DSCAML1: variants seen among roughly 807,000 people sequenced by gnomAD.
DSCAML1 encodes cell adhesion molecule DSCAML1.
DSCAML1 carries 38 observed loss-of-function variants against 200.5 expected under a neutral mutation model. That is an observed-to-expected ratio of 0.19 (90% CI 0.15 to 0.25). The LOEUF (loss-of-function observed/expected upper bound fraction) is 0.25, where lower values mean the gene tolerates loss of function less well. Among genes scored for constraint, DSCAML1 ranks in the 10% least tolerant of loss-of-function variants. DSCAML1 has a pLI of 1.00. For missense variants in DSCAML1, 2,223 were observed against 2,858.8 expected (o/e 0.78, Z 5.07); for synonymous variants, 1,215 against 1,165.0 (o/e 1.04, Z -0.87).
At chr11:117,740,703 A>C (rs2054405568) in intron 3 of DSCAML1, among the ~76,000 whole-genome samples, 1 of 152,254 alleles carries the variant, frequency 6.6e-6, no homozygotes, top group South Asian at 2.1e-4. Flanking sequence ...AGAAGGGACA[A>C]GCCTCGTCTT....
intron 3 of DSCAML1, among the ~76,000 whole-genome samples, chr11:117,690,359 C>T (rs938752004): frequency 6.6e-6 from 1 of 152,196 alleles, no homozygotes; most frequent in African/African-American, 2.4e-5. Context: ...AGCTTAAAGC[C>T]CCAAAACAGC....
At chr11:117,708,490 T>A (rs2053790446) in intron 3 of DSCAML1, among the ~76,000 whole-genome samples, 1 of 152,152 alleles carries the variant, frequency 6.6e-6, no homozygotes, top group East Asian at 1.9e-4. Context: ...TCCTGTAAAG[T>A]GGAAATAACA....
At chr11:117,454,897 C>T (rs527684944) in intron 19 of DSCAML1, among the ~76,000 whole-genome samples, 1 of 152,296 alleles carries the variant, frequency 6.6e-6, no homozygotes, top group South Asian at 2.1e-4. Context: ...GGTCTCACCT[C>T]TAAGTGAGGG....
chr11:117,513,287 G>T (rs1006538763), intron 8 of DSCAML1, among the ~76,000 whole-genome samples: 4 of 152,052 alleles, frequency 2.6e-5, no homozygotes, highest in African/African-American at 9.7e-5. Context: ...GTACGGCAAG[G>T]CCCCTGGGCT....
chr11:117,794,225 G>A (rs542149323), intron 1 of DSCAML1, among the ~76,000 whole-genome samples: 7 of 152,238 alleles, frequency 4.6e-5, no homozygotes, highest in Middle Eastern at 3.4e-3. Flanking sequence ...TTTTAGTGCC[G>A]GGGAAGCTTG....
chr11:117,777,574 A>G (rs1289504345), intron 2 of DSCAML1, among the ~76,000 whole-genome samples: 1 of 152,224 alleles, frequency 6.6e-6, no homozygotes, highest in Non-Finnish European at 1.5e-5. Context: ...CTGAGCACAC[A>G]GAATCCTAGA....
At chr11:117,726,808 A>G (rs1023486011) in intron 3 of DSCAML1, among the ~76,000 whole-genome samples, 1 of 152,010 alleles carries the variant, frequency 6.6e-6, no homozygotes, top group African/African-American at 2.4e-5. Context: ...TGATCGCGGG[A>G]GAATGAGCTT....
At position 117,675,185 on chromosome 11, in the gene DSCAML1, G is replaced by A. The variant is rs529920811; in HGVS notation, c.511+101606C>T. On this transcript the variant is annotated intron_variant, in intron 3 of 32. Coordinates refer to ENST00000651296, the MANE Select transcript of DSCAML1 (RefSeq NM_020693.4). The stretch of plus-strand genomic sequence containing the variant: ...AGAACTTAGAACACTGTGTGTTAGC[G>A]TTTATAATTCTACTCAGGGATAGTC... Among the ~76,000 whole-genome samples, 14 of 152,334 alleles carry A rather than the reference G, an allele frequency of 9.2e-5. No individual in the cohort carries two copies. In the East Asian group the frequency reaches 1.5e-3, roughly 17 times the overall value.
intron 20 of DSCAML1, among the ~76,000 whole-genome samples, chr11:117,449,888 CA>C (rs2048252050): frequency 6.6e-6 from 1 of 152,180 alleles, no homozygotes; most frequent in African/African-American, 2.4e-5. Flanking sequence ...CCACTGCACC[CA>C]TCCCCATCCT....
At chr11:117,665,213 G>A (rs1175768844) in intron 3 of DSCAML1, among the ~76,000 whole-genome samples, 1 of 152,114 alleles carries the variant, frequency 6.6e-6, no homozygotes, top group Non-Finnish European at 1.5e-5. Flanking sequence ...CCACACAATC[G>A]GCCCCTTGAA....
rs376476309 is a variant in DSCAML1 at position 117,796,246 on chromosome 11, C to T, written c.46+788G>A. ...ACCTGGACCCACCCCTAGCAACCCC[C>T]TCTCTCCGGGAAGAGGGACACGCCC... On this transcript the variant is annotated intron_variant, in intron 1 of 32. Transcript: ENST00000651296. Among the ~76,000 whole-genome samples the T allele has an allele frequency of 4.6e-5, 7 of 152,244 alleles. No individual in the cohort carries two copies. In the East Asian group the frequency reaches 1.3e-3, roughly 29 times the overall value.
At chr11:117,581,020 T>C (rs2051028438) in intron 3 of DSCAML1, among the ~76,000 whole-genome samples, 1 of 152,140 alleles carries the variant, frequency 6.6e-6, no homozygotes, top group Admixed American at 6.5e-5. Context: ...TATGCAAAAA[T>C]GACTTGGTGA....
At chr11:117,499,266 C>T (rs1355241718) in intron 11 of DSCAML1, among the ~76,000 whole-genome samples, 1 of 152,072 alleles carries the variant, frequency 6.6e-6, no homozygotes, top group East Asian at 1.9e-4. Context: ...GTGGTATTTT[C>T]TTCTGTTAAC....
chr11:117,628,755 C>T (rs945671387), intron 3 of DSCAML1, among the ~76,000 whole-genome samples: 4 of 152,180 alleles, frequency 2.6e-5, no homozygotes, highest in Non-Finnish European at 4.4e-5. Context: ...GACTTATATC[C>T]TCCTACACTC....
At chr11:117,556,660 C>T (rs942288001) in intron 3 of DSCAML1, among the ~76,000 whole-genome samples, 2 of 152,124 alleles carry the variant, frequency 1.3e-5, no homozygotes, top group African/African-American at 4.8e-5. Context: ...AGTGGGGACT[C>T]GGTCTGATGG....
intron 1 of DSCAML1, among the ~76,000 whole-genome samples, chr11:117,803,522 A>T (rs2055680649): frequency 6.6e-6 from 1 of 152,054 alleles, no homozygotes; most frequent in South Asian, 2.1e-4. Context: ...TTATTAATAT[A>T]TTAATGATCA....
intron 11 of DSCAML1, among the ~76,000 whole-genome samples, chr11:117,497,973 A>G (rs1054326473): frequency 5.3e-5 from 8 of 152,222 alleles, no homozygotes; most frequent in Non-Finnish European, 8.8e-5. Flanking sequence ...GGGAGAAGGG[A>G]AGAGCAGAGG....
intron 3 of DSCAML1, among the ~76,000 whole-genome samples, chr11:117,610,840 ACC>A (rs5795096): frequency 0.039 from 4,429 of 112,434 alleles, 217 homozygotes; most frequent in African/African-American, 0.11. Context: ...AACCAAAACA[ACC>A]CCCCCCCCCC....
intron 1 of DSCAML1, among the ~76,000 whole-genome samples, chr11:117,809,640 T>G (rs893125832): frequency 3.2e-4 from 48 of 152,336 alleles, no homozygotes; most frequent in African/African-American, 9.9e-4. Context: ...TGCCCCAGCC[T>G]GTGTCCTTGC....
Sources: allele counts gnomAD v4.1 joint callset (sites outside exome capture counted in the v4.1 genomes callset), GRCh38; gene constraint gnomAD v4.1.1; transcripts MANE v1.5; gene names NCBI Gene and HGNC (gene_info 2026-07-23, HGNC 2026-07-21).